KIAA0586: variants seen among roughly 807,000 people sequenced by gnomAD.
KIAA0586 encodes protein TALPID3.
Under a neutral mutation model 169.8 loss-of-function variants are expected in KIAA0586, and 144 were observed. That is an observed-to-expected ratio of 0.85 (90% CI 0.74 to 0.97). The LOEUF (loss-of-function observed/expected upper bound fraction) is 0.97, where lower values mean the gene tolerates loss of function less well. Ranked by LOEUF, KIAA0586 falls within the 50% of genes least tolerant of loss-of-function variation. KIAA0586 has a pLI of 0.00. For missense variants in KIAA0586, 1,854 were observed against 1,823.0 expected (o/e 1.02, Z -0.31); for synonymous variants, 625 against 612.4 (o/e 1.02, Z -0.30).
rs1180637255 is a variant in KIAA0586, at chr14:58,487,127, G to C, written c.3265G>C (p.Asp1089His). ...PDSSPCDSDH[D>H]MAFPVKEICA... ...TTCTTCTCCCTGTGATTCGGATCAT[G>C]ATATGGCTTTTCCTGTGAAAGAAAT... The change falls in exon 22 of 31, where the codon GAT (aspartate) becomes CAT (histidine). Residue 1089 changes from aspartate (D) to histidine (H), a missense_variant. Asp to His is a moderately conservative substitution (Grantham distance 81). Transcript: ENST00000652326. The C allele has an allele frequency of 6.2e-7, 1 of 1,613,576 alleles. No individual in the cohort carries two copies.
At chr14:58,467,246 A>G (rs1372980212) in intron 15 of KIAA0586, among the ~76,000 whole-genome samples, 2 of 152,198 alleles carry the variant, frequency 1.3e-5, no homozygotes, top group East Asian at 3.8e-4. Flanking sequence ...TATAAAGCAC[A>G]TGGTAATATA....
chr14:58,490,737 T>C (rs2042787397), intron 25 of KIAA0586, among the ~76,000 whole-genome samples: 1 of 152,070 alleles, frequency 6.6e-6, no homozygotes, highest in South Asian at 2.1e-4. Flanking sequence ...TTTAAAAATA[T>C]CACATTATAT....
In KIAA0586 at chr14:58,547,712, C is replaced by G. The variant is rs900721592; in HGVS notation, c.4496-69C>G. 4 of 1,160,128 alleles carry G rather than the reference C, an allele frequency of 3.4e-6. No individual in the cohort carries two copies. In the East Asian group the frequency reaches 1.2e-4, roughly 34 times the overall value. The allele number at this position is 1,160,128 out of a possible 1,614,324, so 71.9% of individuals were successfully genotyped here. A position where few individuals can be genotyped will look rare whatever the true frequency, so the allele number is the denominator to read the frequency against. The stretch of plus-strand genomic sequence containing the variant: ...CCCCCACCCCAACCTCATATTATTT[C>G]GCAAAGCATAAAGCACGTAAATACT... On this transcript the variant is annotated intron_variant, in intron 30 of 30. Transcript: ENST00000652326.
chr14:58,477,686 T>C (rs1469774540), intron 20 of KIAA0586, among the ~76,000 whole-genome samples: 2 of 152,158 alleles, frequency 1.3e-5, no homozygotes, highest in Non-Finnish European at 2.9e-5. Context: ...ATGGAGCCTA[T>C]GCCATTCTTT....
rs1401573030 is a variant in KIAA0586, at chr14:58,547,840, C to T, written c.4555C>T (p.Leu1519=). The part of the protein sequence containing the change: ...QMPPAKMSVM[L]PSVNLEDCSQ... Reference sequence around the variant, plus strand: ...GCCCCCTGCCAAGATGTCAGTGATGCTGCCGTCAGTGAACCTCGAGGACTG... The same window carrying T: ...GCCCCCTGCCAAGATGTCAGTGATGTTGCCGTCAGTGAACCTCGAGGACTG... The change falls in exon 31 of 31, where the codon CTG becomes TTG. Residue 1519 remains leucine (L), a synonymous_variant. Transcript: ENST00000652326. 1.9e-6 allele frequency: 3 copies of T among 1,613,642 alleles called. No individual in the cohort carries two copies. In the African/African-American group the frequency reaches 4.0e-5, roughly 22 times the overall value.
intron 21 of KIAA0586, 47 bp downstream of exon 21, chr14:58,482,759 G>T (rs777519414): frequency 1.5e-6 from 2 of 1,317,274 alleles, no homozygotes; most frequent in East Asian, 2.5e-5. Flanking sequence ...TAAAATAGAT[G>T]AATTTTAAGC....
chr14:58,464,746 T>C (rs935718246), intron 14 of KIAA0586, among the ~76,000 whole-genome samples: 2 of 152,182 alleles, frequency 1.3e-5, no homozygotes, highest in African/African-American at 4.8e-5. Context: ...AGCCCTAACA[T>C]GTACTATGTT....
chr14:58,437,729 AG>A (rs200365997), intron 4 of KIAA0586, among the ~76,000 whole-genome samples: 14,286 of 127,616 alleles, frequency 0.11, 1,045 homozygotes, highest in African/African-American at 0.14. Context: ...AAAAAAAAAA[AG>A]GCCAAGTTCA....
chr14:58,457,666 A>G (rs2039982303), intron 10 of KIAA0586, 93 bp from the exon 11 acceptor site: 2 of 738,638 alleles, frequency 2.7e-6, no homozygotes, highest in Non-Finnish European at 4.4e-6. Flanking sequence ...ATATATTGGT[A>G]TAATGTATGG....
In KIAA0586 at chr14:58,470,696, T is replaced by TC; in HGVS notation, c.2527dup (p.Leu843ProfsTer18). 2 of 1,597,500 alleles carry TC rather than the reference T, an allele frequency of 1.3e-6. No homozygotes were observed. The highest frequency in any genetic ancestry group is 1.7e-6 in the Non-Finnish European group (2 of 1,165,186). ...CTCTGTCTAGCCCCAAAGAAGCATC[T>TC]CTTCCTCCTGTGCAAACTTGGATAA... is the stretch of plus-strand genomic sequence containing the variant. On this transcript the variant is annotated frameshift_variant, in exon 17 of 31. Transcript: ENST00000652326. LOFTEE classifies it high-confidence loss of function.
downstream of KIAA0586, among the ~76,000 whole-genome samples, chr14:58,553,210 T>C (rs2047227364): frequency 6.6e-6 from 1 of 152,190 alleles, no homozygotes; most frequent in Non-Finnish European, 1.5e-5. Context: ...CTAGAGATAT[T>C]TGTGGTATGC....
intron 18 of KIAA0586, among the ~76,000 whole-genome samples, chr14:58,472,852 T>C (rs1314269597): frequency 6.7e-6 from 1 of 148,856 alleles, no homozygotes; most frequent in African/African-American, 2.5e-5. Context: ...CTTTGACTTT[T>C]AGAGCTAAGA....
At chr14:58,482,225 A>G (rs1052501877) in intron 20 of KIAA0586, among the ~76,000 whole-genome samples, 14 of 151,686 alleles carry the variant, frequency 9.2e-5, no homozygotes, top group African/African-American at 3.1e-4. Flanking sequence ...CAGGAGTTCA[A>G]GACCAGCCTG....
intron 17 of KIAA0586, 131 bp from the exon 18 acceptor site, chr14:58,472,068 A>C: frequency 2.3e-6 from 1 of 429,620 alleles, no homozygotes; most frequent in Non-Finnish European, 4.2e-6. Context: ...ATCAATTCTG[A>C]ATAGGGTATT....
rs1219576199 is a variant in KIAA0586 at position 58,429,373 on chromosome 14, CTT to C, written c.211_212del (p.Leu71AsnfsTer4). ...CCTTTGTTTTGTTAGGTTCATCAGA[CTT>C]AACTTCTGCTAGAAATTGTTACCAG... is the stretch of plus-strand genomic sequence containing the variant. ...LNGTSRGSSD[L>X]TSARNCYQPL... On this transcript the variant is annotated frameshift_variant, in exon 2 of 31. Coordinates refer to ENST00000652326, the MANE Select transcript of KIAA0586 (RefSeq NM_001329943.3). LOFTEE classifies it high-confidence loss of function. 6.3e-7 allele frequency: 1 copy of C among 1,589,974 alleles called. No individual in the cohort carries two copies. Among genetic ancestry groups the C allele is most frequent in the Non-Finnish European group, 8.6e-7 (1 of 1,158,300 alleles).
In KIAA0586 at chr14:58,547,259, A is replaced by G. The variant is rs72718750; in HGVS notation, c.4496-522A>G. On this transcript the variant is annotated intron_variant, in intron 30 of 30. Transcript: ENST00000652326. ...CTATTTACTTAATGGTAACAGTAGTAATAATGGCTATCTTTTAATGGTAAT... is the reference window on the plus strand; with the variant it reads ...CTATTTACTTAATGGTAACAGTAGTGATAATGGCTATCTTTTAATGGTAAT... Among the ~76,000 whole-genome samples, 168 of 152,234 alleles carry G rather than the reference A, an allele frequency of 1.1e-3. 1 individual carries two copies. The highest frequency in any genetic ancestry group is 2.0e-3 in the Non-Finnish European group (133 of 68,014).
At chr14:58,523,027 G>A (rs1311603878) in intron 29 of KIAA0586, among the ~76,000 whole-genome samples, 1 of 151,784 alleles carries the variant, frequency 6.6e-6, no homozygotes, top group Non-Finnish European at 1.5e-5. Flanking sequence ...ATATGTATAT[G>A]CATATCTATA....
At chr14:58,557,103 T>C in the KIAA0586 span, among the ~76,000 whole-genome samples, 9 of 152,232 alleles carry the variant, frequency 5.9e-5, no homozygotes, top group Non-Finnish European at 8.8e-5. Context: ...CACAATTCAT[T>C]AATTAATTCT....
chr14:58,554,906 G>T (rs997997073), downstream of KIAA0586, among the ~76,000 whole-genome samples: 16 of 152,140 alleles, frequency 1.1e-4, no homozygotes, highest in African/African-American at 3.6e-4. Flanking sequence ...ACCTCCATTT[G>T]TTCTTTTTTT....
Sources: gnomAD v4.1 joint callset for allele counts (sites outside exome capture counted in the v4.1 genomes callset) on GRCh38, gnomAD v4.1.1 for gene constraint, MANE v1.5 for transcripts, NCBI Gene and HGNC (gene_info 2026-07-23, HGNC 2026-07-21) for gene names.